Variants in AGT observed in about 807,000 individuals in gnomAD.
AGT encodes alpha-1 antiproteinase, antitrypsin.
A neutral mutation model predicts 28.1 loss-of-function variants in AGT; 26 were observed. The ratio of observed to expected loss-of-function variants is 0.92; its 90% CI spans 0.68 to 1.28. The LOEUF is 1.28. Ranked by LOEUF, AGT falls within the 50% of genes most tolerant of loss-of-function variation. The pLI, the probability that AGT is intolerant of heterozygous loss-of-function variation, is 0.00. For synonymous variants in AGT, 259 were observed against 259.6 expected (o/e 1.00, Z 0.02); for missense variants, 596 against 592.3 (o/e 1.01, Z -0.06).
At chr1:230,714,931 C>T (rs61756116), upstream of AGT, among the ~76,000 whole-genome samples, 12 of 152,202 alleles carry the variant, frequency 7.9e-5, no homozygotes, top group South Asian at 8.3e-4. Context: ...TGGTGAGAGT[C>T]GCCAGAAGCC....
intron 1 of AGT, among the ~76,000 whole-genome samples, chr1:230,724,768 G>A (rs1663908800): frequency 6.6e-6 from 1 of 152,198 alleles, no homozygotes; most frequent in South Asian, 2.1e-4. Flanking sequence ...CAAAGCTGCA[G>A]TGAGCCATGA....
At position 230,703,052 on chromosome 1, in the gene AGT, T is replaced by G; in HGVS notation, c.*89A>C. ...GAGACTGGGGGTGACACATCGCTGA[T>G]TTGTCCGGGGTTGTTATCTGCTGCT... is the stretch of plus-strand genomic sequence containing the variant. On this transcript the variant is annotated 3_prime_UTR_variant, in exon 5 of 5. Transcript: ENST00000366667. 6.9e-7 allele frequency: 1 copy of G among 1,441,692 alleles called. No homozygotes were observed. The highest frequency in any genetic ancestry group is 9.6e-7 in the Non-Finnish European group (1 of 1,044,224). The allele number at this position is 1,441,692 out of a possible 1,614,324, so 89.3% of individuals were successfully genotyped here.
chr1:230,738,550 C>G (rs968808337), intron 1 of AGT, among the ~76,000 whole-genome samples: 2 of 152,184 alleles, frequency 1.3e-5, no homozygotes, highest in South Asian at 2.1e-4. Context: ...ATTGCTATGA[C>G]ACTTTGTGAA....
At chr1:230,737,321 A>G (rs1232843925) in intron 1 of AGT, among the ~76,000 whole-genome samples, 1 of 151,936 alleles carries the variant, frequency 6.6e-6, no homozygotes, top group Non-Finnish European at 1.5e-5. Context: ...TATTATTATT[A>G]TTATTTTGAG....
At position 230,706,465 on chromosome 1, in the gene AGT, C is replaced by T. The variant is rs559759864; in HGVS notation, c.830-265G>A. ...ACACACAACATGCCAGGCACCAAAC[C>T]GGGGGTTTTGCATCTGTCACCTTAA... is the stretch of plus-strand genomic sequence containing the variant. On this transcript the variant is annotated intron_variant, in intron 2 of 4. Transcript: ENST00000366667. 7.9e-5 allele frequency among the ~76,000 whole-genome samples: 12 copies of T among 152,272 alleles called. No homozygotes were observed. The East Asian group carries it at 1.2e-3, about 15-fold the overall frequency.
intron 1 of AGT, among the ~76,000 whole-genome samples, chr1:230,738,179 G>A (rs1664186744): frequency 6.6e-6 from 1 of 152,160 alleles, no homozygotes; most frequent in African/African-American, 2.4e-5. Flanking sequence ...AGTTTTGTGT[G>A]GACATCTGTT....
chr1:230,740,887 C>T (rs916750159), intron 1 of AGT, among the ~76,000 whole-genome samples: 3 of 152,090 alleles, frequency 2.0e-5, no homozygotes, highest in Non-Finnish European at 2.9e-5. Flanking sequence ...AGGTGGGTTA[C>T]GGTGAGCCAA....
chr1:230,728,002 T>C (rs1663976362), intron 1 of AGT, among the ~76,000 whole-genome samples: 1 of 152,162 alleles, frequency 6.6e-6, no homozygotes, highest in Admixed American at 6.6e-5. Context: ...CAGGGGTTTT[T>C]AAAAGATAGT....
intron 4 of AGT, among the ~76,000 whole-genome samples, chr1:230,703,699 G>A (rs1206873702): frequency 1.3e-5 from 2 of 152,198 alleles, no homozygotes; most frequent in African/African-American, 2.4e-5. Flanking sequence ...GGCTCTTCCC[G>A]CTGGCCCCCG....
intron 2 of AGT, among the ~76,000 whole-genome samples, chr1:230,706,897 T>A (rs1275996604): frequency 6.6e-6 from 1 of 152,180 alleles, no homozygotes; most frequent in East Asian, 1.9e-4. Context: ...ACTCACTTTT[T>A]AATCCATGTC....
intron 1 of AGT, among the ~76,000 whole-genome samples, chr1:230,720,960 G>A (rs574520858): frequency 1.3e-5 from 2 of 152,244 alleles, no homozygotes; most frequent in Non-Finnish European, 2.9e-5. Context: ...CAAGAACTCA[G>A]GAACTGGTAT....
chr1:230,721,582 G>A (rs186900765), intron 1 of AGT, among the ~76,000 whole-genome samples: 1 of 152,336 alleles, frequency 6.6e-6, no homozygotes, highest in East Asian at 1.9e-4. Context: ...GAAGATGTGG[G>A]AAAGTTTAGA....
chr1:230,738,065 G>A (rs6657006), intron 1 of AGT, among the ~76,000 whole-genome samples: 10,661 of 152,278 alleles, frequency 0.07, 403 homozygotes, highest in Middle Eastern at 0.15. Flanking sequence ...GTTCCACTAC[G>A]TGGATATACC....
intron 1 of AGT, among the ~76,000 whole-genome samples, chr1:230,737,198 T>A (rs1357591059): frequency 6.6e-6 from 1 of 152,176 alleles, no homozygotes; most frequent in Non-Finnish European, 1.5e-5. Context: ...CTGCCTAGTT[T>A]ATACTGATCA....
At chr1:230,717,921 A>G (rs535254489), upstream of AGT, among the ~76,000 whole-genome samples, 126 of 152,266 alleles carry the variant, frequency 8.3e-4, no homozygotes, top group African/African-American at 2.8e-3. Flanking sequence ...AATAAAACAA[A>G]ATAGTCTGAG....
intron 1 of AGT, among the ~76,000 whole-genome samples, chr1:230,730,258 G>A (rs1156912482): frequency 6.6e-6 from 1 of 151,924 alleles, no homozygotes; most frequent in Non-Finnish European, 1.5e-5. Context: ...ATTTTTAGTA[G>A]AGATGGGTTT....
At chr1:230,728,603 C>T (rs1407262058) in intron 1 of AGT, among the ~76,000 whole-genome samples, 2 of 152,086 alleles carry the variant, frequency 1.3e-5, no homozygotes, top group East Asian at 1.9e-4. Flanking sequence ...AAATGATAGC[C>T]ACGATAATAA....
At chr1:230,744,772 G>C (rs1196928487) in intron 1 of AGT, among the ~76,000 whole-genome samples, 1 of 152,232 alleles carries the variant, frequency 6.6e-6, no homozygotes, top group East Asian at 1.9e-4. Context: ...AGGAGAATGA[G>C]AACGTAAATC....
In AGT at chr1:230,710,303, G is replaced by A. The variant is rs2102790757; in HGVS notation, c.521C>T (p.Ala174Val). 2 of 1,613,992 alleles carry A rather than the reference G, an allele frequency of 1.2e-6. No homozygotes were observed. Among genetic ancestry groups the A allele is most frequent in the African/African-American group, 2.7e-5 (2 of 75,070 alleles). Residue 174 changes from alanine (A) to valine (V), a missense_variant, in exon 2 of 5, where the codon GCC (alanine) becomes GTC (valine). Physicochemically the swap from Ala to Val is moderately conservative, Grantham distance 64 (BLOSUM62 0). Transcript: ENST00000366667. ...SRLDAHKVLS[A>V]LQAVQGLLVA... ...TAGCAGGCCCTGTACAGCCTGCAGG[G>A]CAGACAGGACCTTGTGCGCATCCAG...
Sources: allele counts gnomAD v4.1 joint callset (sites outside exome capture counted in the v4.1 genomes callset), GRCh38; gene constraint gnomAD v4.1.1; transcripts MANE v1.5; gene names NCBI Gene and HGNC (gene_info 2026-07-23, HGNC 2026-07-21).